HHAT: variants seen among roughly 807,000 people sequenced by gnomAD.
HHAT encodes the protein protein-cysteine N-palmitoyltransferase HHAT.
In HHAT, 47 loss-of-function variants were observed where a neutral mutation model predicts 70.8. That is an observed-to-expected ratio of 0.66 (90% CI 0.53 to 0.85). The LOEUF is 0.85. HHAT is among the 40% of genes least tolerant of loss of function. HHAT has a pLI of 0.00. For synonymous variants in HHAT, 228 were observed against 247.6 expected, an observed-to-expected ratio of 0.92 and a Z score of 0.74; for missense variants, 609 against 604.8, an observed-to-expected ratio of 1.01 and a Z score of -0.07.
intron 1 of HHAT, among the ~76,000 whole-genome samples, chr1:210,332,441 C>T (rs1381477721): frequency 1.3e-5 from 2 of 152,226 alleles, no homozygotes; most frequent in African/African-American, 2.4e-5. Context: ...GATTGCGTAC[C>T]GCAGTGACTC....
intron 10 of HHAT, among the ~76,000 whole-genome samples, chr1:210,603,080 G>A (rs552486751): frequency 1.4e-4 from 21 of 152,296 alleles, no homozygotes; most frequent in Non-Finnish European, 2.2e-4. Flanking sequence ...ACTGATGAGC[G>A]CCAGGACTGG....
chr1:210,585,952 C>G (rs895037796), intron 9 of HHAT, among the ~76,000 whole-genome samples: 1 of 151,980 alleles, frequency 6.6e-6, no homozygotes, highest in Admixed American at 6.6e-5. Flanking sequence ...GTGGGGGGTT[C>G]GTTCTAAACT....
chr1:210,520,815 CT>C, intron 9 of HHAT, among the ~76,000 whole-genome samples: 1 of 152,150 alleles, frequency 6.6e-6, no homozygotes, highest in Non-Finnish European at 1.5e-5. Context: ...AAGAATCTAG[CT>C]TTTAAAAAAA....
chr1:210,592,049 T>G (rs1364067527), intron 10 of HHAT, among the ~76,000 whole-genome samples: 1 of 152,132 alleles, frequency 6.6e-6, no homozygotes. Flanking sequence ...TGATCCCATT[T>G]GTCTATTTTT....
intron 1 of HHAT, among the ~76,000 whole-genome samples, 197 bp from the exon 2 acceptor site, chr1:210,348,736 C>CGTGCGTGT (rs1553317703): frequency 3.4e-5 from 5 of 147,938 alleles, no homozygotes; most frequent in Admixed American, 3.4e-4. Flanking sequence ...TGTATGTGTG[C>CGTGCGTGT]GTGTGTGTGT....
intron 10 of HHAT, among the ~76,000 whole-genome samples, chr1:210,617,772 G>C (rs1668030680): frequency 6.6e-6 from 1 of 152,204 alleles, no homozygotes; most frequent in Non-Finnish European, 1.5e-5. Flanking sequence ...GCAGGTATTT[G>C]ATTCTCTCTC....
intron 8 of HHAT, among the ~76,000 whole-genome samples, chr1:210,475,372 C>T (rs1157855418): frequency 1.3e-5 from 2 of 152,196 alleles, no homozygotes; most frequent in Non-Finnish European, 2.9e-5. Flanking sequence ...CCAGCCAAGC[C>T]TCCTCCTTCA....
intron 1 of HHAT, among the ~76,000 whole-genome samples, chr1:210,342,780 G>C (rs2086148242): frequency 6.6e-6 from 1 of 152,150 alleles, no homozygotes. Flanking sequence ...TTTTGTGAGA[G>C]AGTTTTTGGG....
chr1:210,519,139 T>G (rs1168412317), intron 9 of HHAT, among the ~76,000 whole-genome samples: 1 of 152,144 alleles, frequency 6.6e-6, no homozygotes, highest in Non-Finnish European at 1.5e-5. Context: ...CCCTAGTGCT[T>G]TTCTTCCTTG....
At chr1:210,503,679 G>A (rs1241910940) in intron 8 of HHAT, among the ~76,000 whole-genome samples, 1 of 152,060 alleles carries the variant, frequency 6.6e-6, no homozygotes, top group Non-Finnish European at 1.5e-5. Context: ...ATCCACACCG[G>A]GTAGTGTCCT....
At chr1:210,598,740 C>T (rs1663578355) in intron 10 of HHAT, among the ~76,000 whole-genome samples, 2 of 152,246 alleles carry the variant, frequency 1.3e-5, no homozygotes, top group African/African-American at 4.8e-5. Flanking sequence ...GTCTTTCCTA[C>T]CCTCTACAGA....
chr1:210,528,792 C>T (rs1301777646), intron 9 of HHAT, among the ~76,000 whole-genome samples: 2 of 152,044 alleles, frequency 1.3e-5, no homozygotes, highest in Non-Finnish European at 2.9e-5. Context: ...TGTGATAGTA[C>T]CATCAGGGAT....
intron 9 of HHAT, 82 bp from the exon 10 acceptor site, chr1:210,587,816 T>A: frequency 2.0e-6 from 2 of 1,000,538 alleles, no homozygotes; most frequent in Non-Finnish European, 3.1e-6. Flanking sequence ...CAGCAGTATG[T>A]GACAGGATAG....
At chr1:210,514,052 T>G (rs10746425) in intron 9 of HHAT, among the ~76,000 whole-genome samples, 69,548 of 152,032 alleles carry the variant, frequency 0.46, 15,932 homozygotes, top group East Asian at 0.57. Context: ...TGGTGGTTCT[T>G]TTCTGTACAA....
intron 9 of HHAT, among the ~76,000 whole-genome samples, chr1:210,525,654 CTCTCAATACTTG>C (rs1376795023): frequency 6.6e-6 from 1 of 152,158 alleles, no homozygotes; most frequent in Admixed American, 6.5e-5. Context: ...CTAAGAGAAA[CTCTCAATACTTG>C]AGAATTGAGA....
At chr1:210,510,760 CAT>C (rs2094939278) in intron 8 of HHAT, among the ~76,000 whole-genome samples, 1 of 152,316 alleles carries the variant, frequency 6.6e-6, no homozygotes, top group South Asian at 2.1e-4. Context: ...GAGCACAAAA[CAT>C]AGTACTTGCC....
At chr1:210,421,438 T>C (rs1056553603) in intron 7 of HHAT, among the ~76,000 whole-genome samples, 18 of 152,156 alleles carry the variant, frequency 1.2e-4, no homozygotes, top group African/African-American at 4.1e-4. Context: ...CTTAAAGGAC[T>C]TTGGTATATC....
chr1:210,647,818 A>C (rs1288182424), intron 11 of HHAT, among the ~76,000 whole-genome samples: 3 of 152,238 alleles, frequency 2.0e-5, no homozygotes, highest in Admixed American at 6.5e-5. Flanking sequence ...TCTGTGTAAA[A>C]TCATTTACTT....
intron 3 of HHAT, among the ~76,000 whole-genome samples, chr1:210,384,519 G>A (rs2090898308): frequency 6.6e-6 from 1 of 152,182 alleles, no homozygotes; most frequent in Non-Finnish European, 1.5e-5. Flanking sequence ...TTGATTGACT[G>A]CATCAGAATC....
Sources: allele counts gnomAD v4.1 joint callset (sites outside exome capture counted in the v4.1 genomes callset), GRCh38; gene constraint gnomAD v4.1.1; transcripts MANE v1.5; gene names NCBI Gene and HGNC (gene_info 2026-07-23, HGNC 2026-07-21).